The following ARHGEF37 variants were observed in gnomAD, a reference collection of about 807,000 sequenced individuals.
ARHGEF37 encodes Rho guanine nucleotide exchange factor 37.
Under a neutral mutation model 71.1 loss-of-function variants are expected in ARHGEF37, and 55 were observed. That is an observed-to-expected ratio of 0.77 (90% CI 0.62 to 0.97). The LOEUF (loss-of-function observed/expected upper bound fraction) is 0.97, where lower values mean the gene tolerates loss of function less well. Ranked by LOEUF, ARHGEF37 falls within the 50% of genes least tolerant of loss-of-function variation. The pLI is 0.00. For synonymous variants in ARHGEF37, 327 were observed against 350.6 expected (o/e 0.93, Z 0.75); for missense variants, 765 against 836.8 (o/e 0.91, Z 1.06).
chr5:149,587,494 A>G (rs1487091641), intron 1 of ARHGEF37, among the ~76,000 whole-genome samples: 1 of 152,214 alleles, frequency 6.6e-6, no homozygotes, highest in African/African-American at 2.4e-5. Flanking sequence ...GAAAGGTTAT[A>G]TAAATATCCT....
chr5:149,562,977 A>G (rs1442174507), intron 1 of ARHGEF37, among the ~76,000 whole-genome samples: 1 of 152,128 alleles, frequency 6.6e-6, no homozygotes, highest in African/African-American at 2.4e-5. Flanking sequence ...ATAAATCTCA[A>G]TTCTGCCGCT....
At chr5:149,590,652 G>A (rs1386621427) in intron 1 of ARHGEF37, among the ~76,000 whole-genome samples, 2 of 150,318 alleles carry the variant, frequency 1.3e-5, no homozygotes, top group Non-Finnish European at 3.0e-5. Context: ...GTGCAGTGGT[G>A]TGATCTTGGC....
At chr5:149,606,274 C>T (rs1020830015) in intron 3 of ARHGEF37, among the ~76,000 whole-genome samples, 1 of 152,216 alleles carries the variant, frequency 6.6e-6, no homozygotes, top group African/African-American at 2.4e-5. Context: ...TTCTTCCTGG[C>T]TGCAGTTTCG....
chr5:149,631,604 G>A (rs1199640737), intron 12 of ARHGEF37, among the ~76,000 whole-genome samples: 2 of 152,236 alleles, frequency 1.3e-5, no homozygotes, highest in Non-Finnish European at 2.9e-5. Context: ...GCTCAGTGAT[G>A]TGGCAGTAGT....
intron 1 of ARHGEF37, among the ~76,000 whole-genome samples, chr5:149,572,461 T>C (rs1762979161): frequency 6.6e-6 from 1 of 152,172 alleles, no homozygotes; most frequent in South Asian, 2.1e-4. Context: ...CAGAATACTG[T>C]GTAATATCAG....
In ARHGEF37 at chr5:149,634,552, A is replaced by G. The variant is rs576613957; in HGVS notation, c.*2361A>G. On this transcript the variant is annotated 3_prime_UTR_variant, in exon 13 of 13. Transcript: ENST00000333677. ...GTTATGGTTTCTCATAGACCAGGGGATAAGATTAAAAGTCACTGAAGAGTG... is the reference window on the plus strand; with the variant it reads ...GTTATGGTTTCTCATAGACCAGGGGGTAAGATTAAAAGTCACTGAAGAGTG... 4 of 152,724 alleles carry G rather than the reference A, an allele frequency of 2.6e-5. No homozygotes were observed. In the South Asian group the frequency reaches 8.3e-4, roughly 32 times the overall value. 9.5% of individuals were successfully genotyped at this position (152,724 alleles called of 1,614,324 possible). A position where few individuals can be genotyped will look rare whatever the true frequency, so the allele number is the denominator to read the frequency against.
At chr5:149,558,602 C>T (rs1002231477) in intron 1 of ARHGEF37, among the ~76,000 whole-genome samples, 20 of 151,728 alleles carry the variant, frequency 1.3e-4, no homozygotes, top group Non-Finnish European at 2.2e-4. Context: ...GTGATCCTCC[C>T]TCCTCGGCCT....
intron 1 of ARHGEF37, among the ~76,000 whole-genome samples, chr5:149,554,647 GTT>G (rs111671134): frequency 6.5e-5 from 9 of 137,586 alleles, no homozygotes; most frequent in Admixed American, 7.3e-5. Context: ...TGGCAAAATT[GTT>G]TTTTTTTTTT....
intron 9 of ARHGEF37, 48 bp from the exon 10 acceptor site, chr5:149,623,964 A>AGGGAG: frequency 6.5e-7 from 1 of 1,547,662 alleles, no homozygotes; most frequent in Non-Finnish European, 8.8e-7. Context: ...CAGGGATCTC[A>AGGGAG]TTGTCCCCTC....
intron 1 of ARHGEF37, among the ~76,000 whole-genome samples, chr5:149,559,316 G>A (rs747734262): frequency 3.3e-5 from 5 of 152,176 alleles, no homozygotes; most frequent in Admixed American, 6.5e-5. Flanking sequence ...ACAAGACTCC[G>A]TCTTGGCGGG....
At chr5:149,625,135 T>A (rs10476914) in intron 10 of ARHGEF37, among the ~76,000 whole-genome samples, 2,431 of 151,988 alleles carry the variant, frequency 0.016, 73 homozygotes, top group African/African-American at 0.056. Context: ...TGCCCTCTGA[T>A]CTCAAGTGAT....
chr5:149,570,538 T>G (rs1435838135), intron 1 of ARHGEF37, among the ~76,000 whole-genome samples: 1 of 146,092 alleles, frequency 6.8e-6, no homozygotes, highest in Non-Finnish European at 1.5e-5. Flanking sequence ...ATCCTGCCAT[T>G]GCACTCAAGC....
At chr5:149,588,709 C>A (rs537629917) in intron 1 of ARHGEF37, among the ~76,000 whole-genome samples, 12 of 152,044 alleles carry the variant, frequency 7.9e-5, no homozygotes, top group Admixed American at 3.9e-4. Flanking sequence ...CTTTTTCCCC[C>A]CTTCCTTAAA....
intron 12 of ARHGEF37, 27 bp downstream of exon 12, chr5:149,628,993 T>C: frequency 6.2e-7 from 1 of 1,601,516 alleles, no homozygotes; most frequent in Non-Finnish European, 8.5e-7. Context: ...GCTGGGGGCT[T>C]GCCTCCCATC....
At chr5:149,576,435 G>T (rs536854985) in intron 1 of ARHGEF37, among the ~76,000 whole-genome samples, 1 of 152,236 alleles carries the variant, frequency 6.6e-6, no homozygotes, top group Admixed American at 6.5e-5. Context: ...AAAGAAGATG[G>T]TAACACTTAT....
chr5:149,608,402 G>C (rs530330299), intron 3 of ARHGEF37, among the ~76,000 whole-genome samples: 11 of 150,652 alleles, frequency 7.3e-5, no homozygotes, highest in African/African-American at 2.4e-4. Flanking sequence ...ATGGTGTCTT[G>C]CTCTGTTGTG....
At chr5:149,619,524 A>G (rs1752474896) in intron 7 of ARHGEF37, among the ~76,000 whole-genome samples, 1 of 152,210 alleles carries the variant, frequency 6.6e-6, no homozygotes, top group African/African-American at 2.4e-5. Flanking sequence ...AATCTAAAGG[A>G]GCAGCTATTC....
chr5:149,552,718 AC>A (rs1762697591), intron 1 of ARHGEF37, among the ~76,000 whole-genome samples: 2 of 151,740 alleles, frequency 1.3e-5, no homozygotes, highest in Non-Finnish European at 2.9e-5. Context: ...CACACTTGTA[AC>A]CCCAGCTATT....
chr5:149,627,274 A>G lies in ARHGEF37; in HGVS notation c.1660+3A>G, dbSNP rs7732873. 0.69 allele frequency: 1,107,958 copies of G among 1,611,990 alleles called. 383,681 individuals are homozygous for G. The highest frequency in any genetic ancestry group is 0.81 in the Middle Eastern group (4,855 of 6,012). ...CCGCTGGCTGGTGGACACCGGGGGT[A>G]CGTGAGCCTTTGGGAGCCCTTCTTC... On this transcript the variant is annotated splice_donor_region_variant and intron_variant, in intron 11 of 12. Coordinates refer to ENST00000333677, the MANE Select transcript of ARHGEF37 (RefSeq NM_001001669.3).
Sources: allele counts gnomAD v4.1 joint callset (sites outside exome capture counted in the v4.1 genomes callset), GRCh38; gene constraint gnomAD v4.1.1; transcripts MANE v1.5; gene names NCBI Gene and HGNC (gene_info 2026-07-23, HGNC 2026-07-21).